Variants in ITFG1 observed in about 807,000 individuals in gnomAD.
ITFG1 encodes the protein T-cell immunomodulatory protein.
Under a neutral mutation model 81.8 loss-of-function variants are expected in ITFG1, and 34 were observed. The ratio of observed to expected loss-of-function variants is 0.42; its 90% CI spans 0.32 to 0.55. The LOEUF (loss-of-function observed/expected upper bound fraction) is 0.55, where lower values mean the gene tolerates loss of function less well. Among genes scored for constraint, ITFG1 ranks in the 20% least tolerant of loss-of-function variants. The pLI is 0.17. For synonymous variants in ITFG1, 285 were observed against 270.6 expected, an observed-to-expected ratio of 1.05 and a Z score of -0.52; for missense variants, 672 against 755.4, an observed-to-expected ratio of 0.89 and a Z score of 1.29.
chr16:47,428,778 C>T, intron 6 of ITFG1, 26 bp downstream of exon 6: 1 of 1,431,808 alleles, frequency 7.0e-7, no homozygotes, highest in Non-Finnish European at 9.8e-7. Context: ...TAACTCAAAA[C>T]AATTCCAGAT....
intron 2 of ITFG1, among the ~76,000 whole-genome samples, chr16:47,454,974 C>G (rs1427668488): frequency 6.6e-6 from 1 of 152,184 alleles, no homozygotes; most frequent in Non-Finnish European, 1.5e-5. Flanking sequence ...CTTTCTCCCT[C>G]TCACTCAGCA....
At chr16:47,347,586 C>T (rs1443185679) in intron 8 of ITFG1, among the ~76,000 whole-genome samples, 1 of 152,162 alleles carries the variant, frequency 6.6e-6, no homozygotes. Context: ...CTCAAGGAGG[C>T]CTGCCTGCCT....
chr16:47,417,652 TGGC>T (rs1440134273), intron 6 of ITFG1, among the ~76,000 whole-genome samples: 2 of 152,220 alleles, frequency 1.3e-5, no homozygotes, highest in Non-Finnish European at 2.9e-5. Flanking sequence ...TTTCTGTACA[TGGC>T]TTAATTCACT....
chr16:47,427,400 T>G (rs562616540), intron 6 of ITFG1, among the ~76,000 whole-genome samples: 349 of 152,306 alleles, frequency 2.3e-3, no homozygotes, highest in Middle Eastern at 0.014. Context: ...TTCATGTCTG[T>G]AATCCCAGCC....
At chr16:47,440,949 T>C (rs1412825907) in intron 5 of ITFG1, among the ~76,000 whole-genome samples, 1 of 151,468 alleles carries the variant, frequency 6.6e-6, no homozygotes, top group Non-Finnish European at 1.5e-5. Context: ...GCAAGACTAA[T>C]AAAGAAGAAA....
chr16:47,162,504 A>G, intron 15 of ITFG1, 36 bp downstream of exon 15: 2 of 1,502,064 alleles, frequency 1.3e-6, no homozygotes, highest in Non-Finnish European at 9.1e-7. Flanking sequence ...ATATTAAAAC[A>G]TAGATTAATT....
At chr16:47,307,866 A>C (rs1354167546) in intron 10 of ITFG1, among the ~76,000 whole-genome samples, 3 of 152,120 alleles carry the variant, frequency 2.0e-5, no homozygotes, top group African/African-American at 7.2e-5. Context: ...TGCACTGTTT[A>C]GCTCCCACTT....
intron 6 of ITFG1, among the ~76,000 whole-genome samples, chr16:47,421,303 C>CACAT (rs761646520): frequency 8.3e-5 from 12 of 145,124 alleles, no homozygotes; most frequent in Non-Finnish European, 1.5e-4. Flanking sequence ...CACACACACA[C>CACAT]ACATACATAT....
intron 5 of ITFG1, among the ~76,000 whole-genome samples, chr16:47,441,406 T>C (rs968713028): frequency 1.8e-4 from 27 of 152,216 alleles, no homozygotes; most frequent in Non-Finnish European, 2.9e-4. Flanking sequence ...ATATCCTTGA[T>C]GAACATTGAT....
At chr16:47,408,525 C>A (rs576177344) in intron 6 of ITFG1, among the ~76,000 whole-genome samples, 5 of 152,100 alleles carry the variant, frequency 3.3e-5, no homozygotes, top group Non-Finnish European at 7.4e-5. Flanking sequence ...GGTAAAGAGT[C>A]CCTGGGGTTG....
intron 14 of ITFG1, among the ~76,000 whole-genome samples, chr16:47,187,555 C>A (rs911450985): frequency 4.6e-5 from 7 of 152,044 alleles, no homozygotes; most frequent in African/African-American, 1.4e-4. Context: ...AACTGGCTAG[C>A]CATATTTAGA....
At chr16:47,162,845 T>C in intron 14 of ITFG1, 181 bp from the exon 15 acceptor site, 1 of 482,874 alleles carries the variant, frequency 2.1e-6, no homozygotes, top group Non-Finnish European at 3.6e-6. Flanking sequence ...TGAGACATGG[T>C]CTCACTCTGC....
Position 47,230,467 on chromosome 16 carries a change from T to C in ITFG1, c.1374+7498A>G, listed in dbSNP as rs1965803500. 1.3e-5 allele frequency among the ~76,000 whole-genome samples: 2 copies of C among 152,072 alleles called. 1 individual carries two copies. Among genetic ancestry groups the C allele is most frequent in the South Asian group, 4.1e-4 (2 of 4,824 alleles). On this transcript the variant is annotated intron_variant, in intron 13 of 17. Transcript: ENST00000320640. ...GAGAAAAGAAAAGAGAGATGGGTAGTAGCTGGAGGGGATGTGGGTTTCAGA... is the reference window on the plus strand; with the variant it reads ...GAGAAAAGAAAAGAGAGATGGGTAGCAGCTGGAGGGGATGTGGGTTTCAGA...
Position 47,217,104 on chromosome 16 carries a change from T to G in ITFG1, c.1453+1764A>C, listed in dbSNP as rs3095628. 6.8e-4 allele frequency among the ~76,000 whole-genome samples: 103 copies of G among 151,726 alleles called. 1 individual carries two copies. Among genetic ancestry groups the G allele is most frequent in the African/African-American group, 2.4e-3 (98 of 41,352 alleles). On this transcript the variant is annotated intron_variant, in intron 14 of 17. Transcript: ENST00000320640. ...CCCAAAGAAATCAGGATTATCTGTA[T>G]GAACAGATATGGAGAGATGTACACA...
At chr16:47,292,620 A>G (rs1403155256) in intron 10 of ITFG1, among the ~76,000 whole-genome samples, 1 of 152,160 alleles carries the variant, frequency 6.6e-6, no homozygotes, top group African/African-American at 2.4e-5. Flanking sequence ...AATAGTGTAC[A>G]TTGAACCCAT....
At chr16:47,397,489 G>A (rs1968607888) in intron 6 of ITFG1, among the ~76,000 whole-genome samples, 1 of 152,224 alleles carries the variant, frequency 6.6e-6, no homozygotes, top group South Asian at 2.1e-4. Flanking sequence ...ATGTAGACAG[G>A]TTGACAGCTT....
At chr16:47,163,744 G>T (rs1964845201) in intron 14 of ITFG1, among the ~76,000 whole-genome samples, 1 of 152,082 alleles carries the variant, frequency 6.6e-6, no homozygotes. Flanking sequence ...AATGGATAAT[G>T]GTTCAAATTT....
At chr16:47,444,644 TGGAATTTTCTTG>T (rs1173437401) in intron 5 of ITFG1, among the ~76,000 whole-genome samples, 1 of 152,178 alleles carries the variant, frequency 6.6e-6, no homozygotes, top group Non-Finnish European at 1.5e-5. Flanking sequence ...TCACTTTAAA[TGGAATTTTCTTG>T]ATATGATTTT....
chr16:47,340,772 A>T (rs548242123), intron 8 of ITFG1, among the ~76,000 whole-genome samples: 1 of 152,210 alleles, frequency 6.6e-6, no homozygotes, highest in Non-Finnish European at 1.5e-5. Flanking sequence ...TGTTGTCTAT[A>T]AGAGACTCTA....
Sources: allele counts gnomAD v4.1 joint callset (sites outside exome capture counted in the v4.1 genomes callset), GRCh38; gene constraint gnomAD v4.1.1; transcripts MANE v1.5; gene names NCBI Gene and HGNC (gene_info 2026-07-23, HGNC 2026-07-21).